Variants in CYP7B1 observed in about 807,000 individuals in gnomAD.
CYP7B1 encodes the protein cytochrome P450 7B1.
A neutral mutation model predicts 42.7 loss-of-function variants in CYP7B1; 29 were observed. That is an observed-to-expected ratio of 0.68 (90% CI 0.51 to 0.93). The LOEUF is 0.93. CYP7B1 is among the 40% of genes least tolerant of loss of function. The pLI, the probability that CYP7B1 is intolerant of heterozygous loss-of-function variation, is 0.00. For synonymous variants in CYP7B1, 235 were observed against 218.2 expected, an observed-to-expected ratio of 1.08 and a Z score of -0.68; for missense variants, 655 against 600.5, an observed-to-expected ratio of 1.09 and a Z score of -0.95.
intron 1 of CYP7B1, among the ~76,000 whole-genome samples, chr8:64,654,789 T>C (rs1234723078): frequency 2.0e-5 from 3 of 152,062 alleles, no homozygotes; most frequent in Non-Finnish European, 4.4e-5. Context: ...GGGCTACAGT[T>C]ACCAAAACAG....
intron 1 of CYP7B1, among the ~76,000 whole-genome samples, chr8:64,680,162 C>G (rs1806514554): frequency 1.3e-5 from 2 of 151,696 alleles, no homozygotes; most frequent in Admixed American, 1.3e-4. Context: ...GATATTTTTT[C>G]TTTCTTTGTC....
intron 1 of CYP7B1, among the ~76,000 whole-genome samples, chr8:64,715,268 T>C (rs745657052): frequency 3.3e-5 from 5 of 152,214 alleles, no homozygotes; most frequent in Admixed American, 6.5e-5. Context: ...TGAAATATAT[T>C]ATGAGACTGT....
intron 1 of CYP7B1, among the ~76,000 whole-genome samples, chr8:64,775,975 ATGT>A (rs1045424229): frequency 6.6e-6 from 1 of 152,130 alleles, no homozygotes; most frequent in Admixed American, 6.6e-5. Flanking sequence ...TTAGTGACAA[ATGT>A]TGTCATGCCA....
chr8:64,632,077 T>C (rs1805705249), intron 1 of CYP7B1, among the ~76,000 whole-genome samples: 1 of 152,120 alleles, frequency 6.6e-6, no homozygotes, highest in African/African-American at 2.4e-5. Flanking sequence ...TTCTGGATAT[T>C]TATCGAAAAG....
chr8:64,795,104 C>T (rs894621865), intron 1 of CYP7B1, among the ~76,000 whole-genome samples: 8 of 152,060 alleles, frequency 5.3e-5, no homozygotes, highest in Admixed American at 5.2e-4. Context: ...TCAATCTTCT[C>T]TCAATCAATA....
intron 1 of CYP7B1, among the ~76,000 whole-genome samples, chr8:64,684,213 A>T (rs1256277599): frequency 6.6e-6 from 1 of 152,210 alleles, no homozygotes; most frequent in East Asian, 1.9e-4. Flanking sequence ...CCCAAATACT[A>T]TGTATGAGTA....
chr8:64,775,693 A>G (rs892962589), intron 1 of CYP7B1, among the ~76,000 whole-genome samples: 3 of 152,146 alleles, frequency 2.0e-5, no homozygotes, highest in African/African-American at 7.2e-5. Flanking sequence ...GTGGGAACCT[A>G]GGGGAAGAGA....
chr8:64,587,295 A>G (rs940210292), downstream of CYP7B1, among the ~76,000 whole-genome samples: 1 of 151,940 alleles, frequency 6.6e-6, no homozygotes, highest in African/African-American at 2.4e-5. Flanking sequence ...GCATCCGAAG[A>G]GCACCCCTTC....
chr8:64,710,190 A>C (rs1001185132), intron 1 of CYP7B1, among the ~76,000 whole-genome samples: 4 of 152,266 alleles, frequency 2.6e-5, no homozygotes, highest in Admixed American at 1.3e-4. Flanking sequence ...TTCGTAAAGC[A>C]CAGATCTGAC....
At chr8:64,686,379 C>T (rs1585855677) in intron 1 of CYP7B1, among the ~76,000 whole-genome samples, 2 of 37,860 alleles carry the variant, frequency 5.3e-5, no homozygotes, top group South Asian at 6.3e-4. Flanking sequence ...CTCTGCCCGG[C>T]CAGCCGCCCC....
At chr8:64,710,927 A>G (rs1490112408) in intron 1 of CYP7B1, among the ~76,000 whole-genome samples, 3 of 152,136 alleles carry the variant, frequency 2.0e-5, no homozygotes, top group African/African-American at 7.2e-5. Context: ...ACTTTGTAGT[A>G]GTTTAAAATA....
chr8:64,737,857 G>A (rs902758516), intron 1 of CYP7B1, among the ~76,000 whole-genome samples: 4 of 152,172 alleles, frequency 2.6e-5, no homozygotes, highest in Non-Finnish European at 4.4e-5. Context: ...GGTTATTCCC[G>A]ATTGGTGGCA....
intron 1 of CYP7B1, among the ~76,000 whole-genome samples, chr8:64,707,759 A>G (rs1173736298): frequency 6.6e-6 from 1 of 152,088 alleles, no homozygotes; most frequent in African/African-American, 2.4e-5. Flanking sequence ...AATCAAACAA[A>G]ATTCTCTCTG....
rs552064547 is a variant in CYP7B1 at position 64,665,948 on chromosome 8, T to C, written c.123-41409A>G. ...GGTCTCACAAACACAGAAAAGCTTG[T>C]CTTTAAGTATATTGTCTTTGAAAAG... On this transcript the variant is annotated intron_variant, in intron 1 of 5. Transcript: ENST00000310193. Among the ~76,000 whole-genome samples, 20 of 152,300 alleles carry C rather than the reference T, an allele frequency of 1.3e-4. 1 individual carries two copies. In the South Asian group the frequency reaches 4.1e-3, roughly 32 times the overall value.
intron 1 of CYP7B1, among the ~76,000 whole-genome samples, chr8:64,625,431 G>A (rs1386902671): frequency 6.6e-6 from 1 of 152,090 alleles, no homozygotes; most frequent in Admixed American, 6.5e-5. Context: ...TGTGACTAAG[G>A]AGATCTCCGG....
chr8:64,775,778 A>G (rs1804314776), intron 1 of CYP7B1, among the ~76,000 whole-genome samples: 1 of 152,152 alleles, frequency 6.6e-6, no homozygotes, highest in Admixed American at 6.5e-5. Flanking sequence ...GAAGGGTACC[A>G]TCATGAAGTC....
chr8:64,588,659 G>A (rs987685526), downstream of CYP7B1, among the ~76,000 whole-genome samples: 1 of 152,190 alleles, frequency 6.6e-6, no homozygotes, highest in Non-Finnish European at 1.5e-5. Flanking sequence ...CTCTGATTAT[G>A]AGAGAGACTC....
intron 1 of CYP7B1, among the ~76,000 whole-genome samples, chr8:64,711,259 A>G (rs986676183): frequency 2.0e-5 from 3 of 152,208 alleles, no homozygotes; most frequent in Non-Finnish European, 4.4e-5. Flanking sequence ...CTTCTAGACT[A>G]GCAGAATCAC....
intron 1 of CYP7B1, among the ~76,000 whole-genome samples, chr8:64,668,725 C>CAAA (rs34797764): frequency 1.2e-5 from 1 of 86,760 alleles, no homozygotes; most frequent in Non-Finnish European, 2.4e-5. Flanking sequence ...GCATATTGAC[C>CAAA]AAAAAAAAAA....
Sources: allele counts gnomAD v4.1 joint callset (sites outside exome capture counted in the v4.1 genomes callset), GRCh38; gene constraint gnomAD v4.1.1; transcripts MANE v1.5; gene names NCBI Gene and HGNC (gene_info 2026-07-23, HGNC 2026-07-21).